Variants in CATSPERB observed in about 807,000 individuals in gnomAD.
The protein encoded by CATSPERB is cation channel sperm-associated auxiliary subunit beta.
In CATSPERB, 93 loss-of-function variants were observed where a neutral mutation model predicts 128.3. The observed-to-expected ratio is 0.72, with a 90% CI of 0.61 to 0.86. The LOEUF (loss-of-function observed/expected upper bound fraction) is 0.86. Ranked by LOEUF, CATSPERB falls within the 40% of genes least tolerant of loss-of-function variation. The pLI is 0.00. For missense variants in CATSPERB, 1,153 were observed against 1,329.5 expected (o/e 0.87, Z 2.06); for synonymous variants, 381 against 448.8 (o/e 0.85, Z 1.91).
intron 7 of CATSPERB, among the ~76,000 whole-genome samples, chr14:91,697,451 G>A (rs1895582559): frequency 6.6e-6 from 1 of 152,168 alleles, no homozygotes; most frequent in Non-Finnish European, 1.5e-5. Context: ...TGGACAGAGT[G>A]TACGATGCAG....
At chr14:91,649,277 T>C (rs578043542) in intron 15 of CATSPERB, among the ~76,000 whole-genome samples, 1 of 152,242 alleles carries the variant, frequency 6.6e-6, no homozygotes, top group South Asian at 2.1e-4. Flanking sequence ...TTTTTATGGG[T>C]TATTCTGTTT....
chr14:91,700,490 C>G (rs1895628545), intron 7 of CATSPERB, among the ~76,000 whole-genome samples: 1 of 152,130 alleles, frequency 6.6e-6, no homozygotes. Context: ...TTGGTGCCAG[C>G]TCTTCTTTGC....
At chr14:91,684,865 C>T (rs772032860) in intron 10 of CATSPERB, among the ~76,000 whole-genome samples, 7 of 152,024 alleles carry the variant, frequency 4.6e-5, no homozygotes, top group Non-Finnish European at 1.0e-4. Context: ...GATCCACCCC[C>T]CTCGGCCTCC....
chr14:91,591,612 A>G (rs533155329), intron 23 of CATSPERB, among the ~76,000 whole-genome samples: 34 of 151,788 alleles, frequency 2.2e-4, no homozygotes, highest in Non-Finnish European at 4.4e-4. Flanking sequence ...TTTCGTATAC[A>G]CAGGGGTGTG....
At position 91,589,663 on chromosome 14, in the gene CATSPERB, G is replaced by A. The variant is rs530852040; in HGVS notation, c.2827C>T (p.Arg943Cys). 1.7e-5 allele frequency: 28 copies of A among 1,612,102 alleles called. No homozygotes were observed. The highest frequency in any genetic ancestry group is 5.3e-5 in the African/African-American group (4 of 74,892). The part of the protein sequence containing the change: ...AFSDCREKVP[R>C]FKFPITQYPV... ...TATTGTGTAATTGGAAACTTAAAGC[G>A]AGGAACCTAAAATACAAATTCCAAG... Residue 943 changes from arginine to cysteine, a missense_variant, in exon 24 of 27, where the codon CGC becomes TGC. Arg to Cys is a radical substitution (Grantham distance 180, BLOSUM62 -3). Coordinates refer to ENST00000256343, the MANE Select transcript of CATSPERB (RefSeq NM_024764.4).
intron 20 of CATSPERB, among the ~76,000 whole-genome samples, chr14:91,612,012 TTTTCTTTCTTTCTTTCTTTCTTTC>T (rs71120177): frequency 2.3e-5 from 3 of 132,924 alleles, no homozygotes; most frequent in African/African-American, 8.8e-5. Context: ...TTGTTTACTG[TTTTCTTTCTTTCTTTCTTTCTTTC>T]TTTCTTTCTT....
intron 17 of CATSPERB, among the ~76,000 whole-genome samples, chr14:91,626,504 G>C (rs1397035560): frequency 6.6e-6 from 1 of 151,856 alleles, no homozygotes; most frequent in Non-Finnish European, 1.5e-5. Flanking sequence ...CTCACGAATG[G>C]ATGAATGCCA....
intron 20 of CATSPERB, among the ~76,000 whole-genome samples, chr14:91,611,956 G>A (rs1824846358): frequency 6.6e-6 from 1 of 152,078 alleles, no homozygotes; most frequent in African/African-American, 2.4e-5. Context: ...ATTCACTGAT[G>A]AGCACCTGAA....
rs1485993110 is a variant in CATSPERB, at chr14:91,677,296, T to C, written c.932-3074A>G. The stretch of plus-strand genomic sequence containing the variant: ...TTAGAGGGAACAGGCAACCTACGAA[T>C]GGGAGAATATTTTTGTAATCTACCC... On this transcript the variant is annotated intron_variant, in intron 11 of 26. Transcript: ENST00000256343. Among the ~76,000 whole-genome samples the C allele has an allele frequency of 2.0e-5, 3 of 151,956 alleles. No homozygotes were observed. In the East Asian group the frequency reaches 5.8e-4, roughly 29 times the overall value.
At chr14:91,665,865 A>C (rs371754360) in intron 14 of CATSPERB, among the ~76,000 whole-genome samples, 1 of 152,034 alleles carries the variant, frequency 6.6e-6, no homozygotes, top group Non-Finnish European at 1.5e-5. Context: ...TAACAAAAAA[A>C]CCCACAAAAA....
chr14:91,729,604 G>T, intron 1 of CATSPERB, 125 bp from the exon 2 acceptor site: 1 of 499,218 alleles, frequency 2.0e-6, no homozygotes, highest in Non-Finnish European at 3.6e-6. Context: ...CACACTGTGT[G>T]ACAAAAGCAG....
chr14:91,606,557 C>T (rs753398763), intron 22 of CATSPERB, among the ~76,000 whole-genome samples: 39 of 152,178 alleles, frequency 2.6e-4, no homozygotes, highest in Non-Finnish European at 5.3e-4. Context: ...AGCGATACTC[C>T]GTCTCAAAAC....
intron 22 of CATSPERB, among the ~76,000 whole-genome samples, chr14:91,602,520 C>A (rs777356773): frequency 6.6e-6 from 1 of 151,812 alleles, no homozygotes; most frequent in African/African-American, 2.4e-5. Context: ...AAAAAATCCA[C>A]GAGAGTACAT....
At chr14:91,640,395 T>TC (rs1330327799) in intron 15 of CATSPERB, among the ~76,000 whole-genome samples, 1 of 63,330 alleles carries the variant, frequency 1.6e-5, no homozygotes, top group Admixed American at 1.8e-4. Context: ...CCCTCCCCCC[T>TC]CCCCCCACCC....
chr14:91,692,162 C>A (rs190856806), intron 9 of CATSPERB, among the ~76,000 whole-genome samples: 638 of 133,942 alleles, frequency 4.8e-3, no homozygotes, highest in Non-Finnish European at 5.2e-3. Context: ...GGTAACAGAG[C>A]GAGACTCAGT....
intron 17 of CATSPERB, among the ~76,000 whole-genome samples, chr14:91,626,286 T>C (rs1459059423): frequency 2.0e-5 from 3 of 151,762 alleles, no homozygotes. Flanking sequence ...ATATATGCTA[T>C]GGTTTTAATG....
chr14:91,650,366 G>A (rs1048960808), intron 15 of CATSPERB, among the ~76,000 whole-genome samples: 1 of 152,092 alleles, frequency 6.6e-6, no homozygotes, highest in South Asian at 2.1e-4. Context: ...CCAGTGTCAC[G>A]GAAGGAATCA....
chr14:91,693,243 T>A lies in CATSPERB; in HGVS notation c.714A>T (p.Glu238Asp). 1 of 1,606,078 alleles carries A rather than the reference T, an allele frequency of 6.2e-7. No individual in the cohort carries two copies. Among genetic ancestry groups the A allele is most frequent in the Non-Finnish European group, 8.5e-7 (1 of 1,173,796 alleles). The change falls in exon 9 of 27, where the codon GAA becomes GAT. Residue 238 changes from glutamate to aspartate, a missense_variant and splice_region_variant. Glu to Asp is a conservative substitution (Grantham distance 45). Transcript: ENST00000256343. ...TQTIYSQLQE[E>D]YEDLSLVDMV... is the part of the protein sequence containing the mutation. ...TATCCACCAATGAAAGGTCTTCATA[T>A]TCTAAACGAAGAAATCATACCATGG...
At chr14:91,666,341 C>A (rs1894983219) in intron 14 of CATSPERB, among the ~76,000 whole-genome samples, 1 of 152,156 alleles carries the variant, frequency 6.6e-6, no homozygotes, top group African/African-American at 2.4e-5. Flanking sequence ...AGCGAGATAG[C>A]CAGGCCCCTC....
Sources: gnomAD v4.1 joint callset for allele counts (sites outside exome capture counted in the v4.1 genomes callset) on GRCh38, gnomAD v4.1.1 for gene constraint, MANE v1.5 for transcripts, NCBI Gene and HGNC (gene_info 2026-07-23, HGNC 2026-07-21) for gene names.